LSM14A: variants seen among roughly 807,000 people sequenced by gnomAD.
LSM14A encodes the protein LSM14A mRNA processing body assembly factor.
In LSM14A, 14 loss-of-function variants were observed where a neutral mutation model predicts 52.4. The observed-to-expected ratio is 0.27, with a 90% CI of 0.18 to 0.42. LSM14A has a LOEUF of 0.42. Ranked by LOEUF, LSM14A falls within the 10% of genes least tolerant of loss-of-function variation. The pLI is 1.00. For synonymous variants in LSM14A, 185 were observed against 200.3 expected (o/e 0.92, Z 0.64); for missense variants, 417 against 581.8 (o/e 0.72, Z 2.91).
intron 4 of LSM14A, 27 bp downstream of exon 4, chr19:34,209,078 T>C (rs749488265): frequency 2.6e-6 from 4 of 1,527,950 alleles, no homozygotes; most frequent in Non-Finnish European, 2.7e-6. Flanking sequence ...CTAAAATATT[T>C]CCATTCTAAA....
At chr19:34,221,295 C>T in intron 8 of LSM14A, 1 of 547,462 alleles carries the variant, frequency 1.8e-6, no homozygotes, top group Non-Finnish European at 3.2e-6. Flanking sequence ...TTTGGCCAGG[C>T]TAGTCTCGAA....
At chr19:34,194,712 C>T (rs872236) in intron 2 of LSM14A, 71 bp downstream of exon 2, 1 of 1,382,320 alleles carries the variant, frequency 7.2e-7, no homozygotes, top group African/African-American at 1.4e-5. Flanking sequence ...TTTTTTCTCT[C>T]TAGTTGAATG....
Position 34,221,623 on chromosome 19 carries a change from G to A in LSM14A, c.1253G>A (p.Arg418His), listed in dbSNP as rs1366855901. 6.8e-6 allele frequency: 11 copies of A among 1,613,990 alleles called. No individual in the cohort carries two copies. Among genetic ancestry groups the A allele is most frequent in the East Asian group, 2.2e-5 (1 of 44,894 alleles). Residue 418 changes from arginine to histidine, a missense_variant, in exon 9 of 10, where the codon CGT becomes CAT. Arg to His is a conservative substitution (Grantham distance 29). Coordinates refer to ENST00000544216, the MANE Select transcript of LSM14A (RefSeq NM_015578.4). ...AGAGGCAGAGGAGGTCTTGGTTTCC[G>A]TGGTGGCAGAGGGCGTGGTGGTGGC... Reference protein sequence around the residue: ...GYRGRGGLGFRGGRGRGGGRG... With the variant: ...GYRGRGGLGFHGGRGRGGGRG...
intron 1 of LSM14A, among the ~76,000 whole-genome samples, chr19:34,176,885 T>A (rs2069123291): frequency 6.6e-6 from 1 of 152,224 alleles, no homozygotes; most frequent in African/African-American, 2.4e-5. Flanking sequence ...GGTTTTTACT[T>A]CATTTATTAG....
At chr19:34,213,416 T>A (rs2072315819) in intron 4 of LSM14A, among the ~76,000 whole-genome samples, 1 of 152,220 alleles carries the variant, frequency 6.6e-6, no homozygotes, top group Non-Finnish European at 1.5e-5. Context: ...ATACTTTAGA[T>A]AATCATAAAT....
chr19:34,223,530 A>G (rs2073178437), intron 9 of LSM14A, among the ~76,000 whole-genome samples: 1 of 152,128 alleles, frequency 6.6e-6, no homozygotes. Flanking sequence ...GCCTCCTCCC[A>G]GTGTTCCATG....
intron 3 of LSM14A, among the ~76,000 whole-genome samples, chr19:34,205,302 C>T (rs2071601819): frequency 6.6e-6 from 1 of 151,514 alleles, no homozygotes; most frequent in African/African-American, 2.4e-5. Flanking sequence ...GCCTGGCCAA[C>T]ATGGTGAAAC....
chr19:34,216,748 G>A (rs887096525), intron 6 of LSM14A, among the ~76,000 whole-genome samples: 4 of 152,000 alleles, frequency 2.6e-5, no homozygotes, highest in African/African-American at 9.7e-5. Context: ...GTGAGCCACC[G>A]CACCCAGCCA....
rs140536208 is a variant in LSM14A, at chr19:34,205,487, CAAAAAAAAAAAAAAAA to C, written c.416-3427_416-3412del. ...GGCGACAGAACAAGACTCCATCTCA[CAAAAAAAAAAAAAAAA>C]AAAAAAAAAAAAAATACTAGGAAAA... On this transcript the variant is annotated intron_variant, in intron 3 of 9. Transcript: ENST00000544216. Among the ~76,000 whole-genome samples, 12 of 95,186 alleles carry C rather than the reference CAAAAAAAAAAAAAAAA, an allele frequency of 1.3e-4. 1 individual carries two copies. The highest frequency in any genetic ancestry group is 4.1e-4 in the South Asian group (1 of 2,448). The allele number at this position is 95,186 out of a possible 152,430, so 62.4% of individuals were successfully genotyped here. A position where few individuals can be genotyped will look rare whatever the true frequency, so the allele number is the denominator to read the frequency against.
At chr19:34,188,595 C>T (rs780678761) in intron 1 of LSM14A, among the ~76,000 whole-genome samples, 2 of 152,182 alleles carry the variant, frequency 1.3e-5, no homozygotes, top group Admixed American at 6.5e-5. Flanking sequence ...TACCCCTAGG[C>T]ATTAAGTAAT....
At chr19:34,189,687 T>C (rs1227996725) in intron 1 of LSM14A, among the ~76,000 whole-genome samples, 1 of 152,198 alleles carries the variant, frequency 6.6e-6, no homozygotes, top group East Asian at 1.9e-4. Flanking sequence ...GCATTTGTGC[T>C]GTAATCTGAG....
chr19:34,177,369 G>A (rs759272652), intron 1 of LSM14A, among the ~76,000 whole-genome samples: 14 of 152,124 alleles, frequency 9.2e-5, no homozygotes, highest in Non-Finnish European at 1.6e-4. Context: ...TGTGTACAAT[G>A]TGAGATATTC....
At chr19:34,226,375 C>CTTTTTTTTTTTTTTTTTTTTTTTTTT in intron 9 of LSM14A, 1 of 1,195,542 alleles carries the variant, frequency 8.4e-7, no homozygotes. Context: ...ATCTCTTTCT[C>CTTTTTTTTTTTTTTTTTTTTTTTTTT]TTTTTTTTTT....
chr19:34,221,754 A>C lies in LSM14A; in HGVS notation c.1368+16A>C. 1 of 1,585,354 alleles carries C rather than the reference A, an allele frequency of 6.3e-7. No individual in the cohort carries two copies. Among genetic ancestry groups the C allele is most frequent in the Non-Finnish European group, 8.6e-7 (1 of 1,159,206 alleles). ...TGAATATAGGGTAAGTGTTACTGTT[A>C]ATAAATTCTTTGGGGTTGACATGCA... On this transcript the variant is annotated intron_variant, in intron 9 of 9. Coordinates refer to ENST00000544216, the MANE Select transcript of LSM14A (RefSeq NM_015578.4).
intron 6 of LSM14A, among the ~76,000 whole-genome samples, chr19:34,217,199 A>G (rs1294270639): frequency 6.7e-6 from 1 of 148,374 alleles, no homozygotes; most frequent in East Asian, 2.0e-4. Flanking sequence ...GCGAGGTTGT[A>G]GTGAGCCAAG....
chr19:34,192,802 C>G (rs1039183642), intron 1 of LSM14A, among the ~76,000 whole-genome samples: 3 of 151,624 alleles, frequency 2.0e-5, no homozygotes, highest in Non-Finnish European at 4.4e-5. Context: ...TAGTGAAACC[C>G]CATCTCCGCT....
chr19:34,202,399 G>C (rs1439991846), intron 3 of LSM14A, among the ~76,000 whole-genome samples: 1 of 151,336 alleles, frequency 6.6e-6, no homozygotes, highest in Non-Finnish European at 1.5e-5. Flanking sequence ...AGGCTGAGGT[G>C]GGGGGATTGC....
chr19:34,216,463 G>A (rs970365118), intron 6 of LSM14A, among the ~76,000 whole-genome samples: 3 of 151,968 alleles, frequency 2.0e-5, no homozygotes, highest in Non-Finnish European at 2.9e-5. Context: ...TTAGTGGTAG[G>A]CCTTTTTTTT....
intron 9 of LSM14A, chr19:34,226,575 T>G: frequency 1.1e-6 from 1 of 908,140 alleles, no homozygotes; most frequent in Non-Finnish European, 1.6e-6. Flanking sequence ...GTATTTCAGT[T>G]TAATAACGGG....
Sources: gnomAD v4.1 joint callset for allele counts (sites outside exome capture counted in the v4.1 genomes callset) on GRCh38, gnomAD v4.1.1 for gene constraint, MANE v1.5 for transcripts, NCBI Gene and HGNC (gene_info 2026-07-23, HGNC 2026-07-21) for gene names.